The following PELI2 variants were observed in gnomAD, a reference collection of about 807,000 sequenced individuals.
The protein encoded by PELI2 is E3 ubiquitin-protein ligase pellino homolog 2.
A neutral mutation model predicts 42.3 loss-of-function variants in PELI2; 23 were observed. That is an observed-to-expected ratio of 0.54 (90% CI 0.39 to 0.77). The LOEUF (loss-of-function observed/expected upper bound fraction) is 0.77. Ranked by LOEUF, PELI2 falls within the 30% of genes least tolerant of loss-of-function variation. PELI2 has a pLI of 0.00. For synonymous variants in PELI2, 245 were observed against 212.2 expected (o/e 1.15, Z -1.34); for missense variants, 463 against 553.2 (o/e 0.84, Z 1.64).
intron 2 of PELI2, among the ~76,000 whole-genome samples, chr14:56,275,692 C>T (rs1024385078): frequency 2.0e-5 from 3 of 152,164 alleles, no homozygotes; most frequent in South Asian, 2.1e-4. Context: ...GATGAAACTT[C>T]GCTTGCTCGT....
chr14:56,138,462 CT>C (rs34922290), intron 1 of PELI2, among the ~76,000 whole-genome samples: 15,904 of 143,816 alleles, frequency 0.11, 1,050 homozygotes, highest in East Asian at 0.3. Context: ...TTCTGTGGTT[CT>C]TTTTTTTTTT....
chr14:56,225,079 GGA>G (rs1005780438), intron 2 of PELI2, among the ~76,000 whole-genome samples: 5 of 152,150 alleles, frequency 3.3e-5, no homozygotes, highest in African/African-American at 1.2e-4. Flanking sequence ...CTTAGTACGC[GGA>G]GAGTGAGTAA....
chr14:56,169,840 T>C (rs1885102230), intron 1 of PELI2, among the ~76,000 whole-genome samples: 1 of 152,196 alleles, frequency 6.6e-6, no homozygotes, highest in African/African-American at 2.4e-5. Context: ...CTGGGCTTTA[T>C]AGTCCATTGG....
At chr14:56,140,976 G>A (rs558001629) in intron 1 of PELI2, among the ~76,000 whole-genome samples, 4 of 152,176 alleles carry the variant, frequency 2.6e-5, no homozygotes, top group Admixed American at 2.0e-4. Context: ...TTTTCCCCTC[G>A]TACTCTATTG....
At chr14:56,224,982 A>G (rs1369706219) in intron 2 of PELI2, among the ~76,000 whole-genome samples, 3 of 151,838 alleles carry the variant, frequency 2.0e-5, no homozygotes, top group African/African-American at 7.3e-5. Flanking sequence ...TTTCTCCCCC[A>G]GTGCTCTGCC....
intron 1 of PELI2, among the ~76,000 whole-genome samples, chr14:56,171,039 G>A (rs947136855): frequency 3.3e-5 from 5 of 152,156 alleles, no homozygotes. Flanking sequence ...CCCAGGGAAC[G>A]TTCTGACCTT....
intron 2 of PELI2, among the ~76,000 whole-genome samples, chr14:56,252,896 C>G (rs1488149831): frequency 6.6e-6 from 1 of 152,098 alleles, no homozygotes; most frequent in African/African-American, 2.4e-5. Context: ...CTGGCAGAGA[C>G]ACAACAAAAA....
intron 2 of PELI2, among the ~76,000 whole-genome samples, chr14:56,241,716 T>C (rs549635902): frequency 4.9e-4 from 75 of 151,920 alleles, no homozygotes; most frequent in African/African-American, 1.7e-3. Flanking sequence ...GAGGGGAAAA[T>C]GAGGTTTGAT....
intron 1 of PELI2, chr14:56,119,182 C>T (rs1041895257): frequency 6.6e-6 from 1 of 151,944 alleles, no homozygotes; most frequent in African/African-American, 2.4e-5. Context: ...GCGCGGAGCC[C>T]CGTCTTCCCA....
rs989170920 is a variant in PELI2 at position 56,155,059 on chromosome 14, C to T, written c.78-23276C>T. 2.4e-4 allele frequency among the ~76,000 whole-genome samples: 37 copies of T among 152,000 alleles called. 1 individual carries two copies. The highest frequency in any genetic ancestry group is 2.0e-3 in the Admixed American group (31 of 15,258). On this transcript the variant is annotated intron_variant, in intron 1 of 5. Transcript: ENST00000267460. ...CTATTCATGTTCTTTGCCAGTTTTT[C>T]TCTTGTGTCTATGAAGATATCTGTG...
At chr14:56,235,517 C>A (rs1887759271) in intron 2 of PELI2, among the ~76,000 whole-genome samples, 1 of 152,220 alleles carries the variant, frequency 6.6e-6, no homozygotes, top group Admixed American at 6.5e-5. Context: ...CCTTTTAGAG[C>A]CAGGCCTAGA....
intron 5 of PELI2, among the ~76,000 whole-genome samples, chr14:56,294,544 T>A (rs1251127757): frequency 2.0e-5 from 3 of 152,140 alleles, no homozygotes; most frequent in Non-Finnish European, 4.4e-5. Flanking sequence ...TTGACAAAAT[T>A]TCTGGTGCTT....
chr14:56,248,253 A>C (rs1237511766), intron 2 of PELI2, among the ~76,000 whole-genome samples: 1 of 152,222 alleles, frequency 6.6e-6, no homozygotes, highest in East Asian at 1.9e-4. Flanking sequence ...CCGACCAAAT[A>C]TGTGGCTTCT....
At chr14:56,274,691 T>C (rs1889227704) in intron 2 of PELI2, among the ~76,000 whole-genome samples, 1 of 152,204 alleles carries the variant, frequency 6.6e-6, no homozygotes, top group Non-Finnish European at 1.5e-5. Context: ...GTTCTAACTG[T>C]TCTCATCCCT....
chr14:56,123,089 G>A (rs1419676786), intron 1 of PELI2, among the ~76,000 whole-genome samples: 2 of 152,006 alleles, frequency 1.3e-5, no homozygotes, highest in Admixed American at 6.5e-5. Context: ...TACAAAAGGA[G>A]GTAGATACCT....
At position 56,161,209 on chromosome 14, in the gene PELI2, A is replaced by G. The variant is rs555033457; in HGVS notation, c.78-17126A>G. Among the ~76,000 whole-genome samples, 4 of 152,020 alleles carry G rather than the reference A, an allele frequency of 2.6e-5. No homozygotes were observed. The South Asian group carries it at 8.3e-4, about 32-fold the overall frequency. ...GTAGCATCCCAATTCAAAGCTTACT[A>G]TTCTGCTTTCATTTATTTCTTTTTT... is the stretch of plus-strand genomic sequence containing the variant. On this transcript the variant is annotated intron_variant, in intron 1 of 5. Transcript: ENST00000267460.
intron 1 of PELI2, among the ~76,000 whole-genome samples, chr14:56,144,354 A>G (rs1239641335): frequency 1.3e-5 from 2 of 152,244 alleles, no homozygotes; most frequent in African/African-American, 2.4e-5. Flanking sequence ...CTGCCAGGAA[A>G]GACAGACTAG....
chr14:56,195,288 A>G lies in PELI2; in HGVS notation c.207+16824A>G, dbSNP rs538184466. On this transcript the variant is annotated intron_variant, in intron 2 of 5. Transcript: ENST00000267460. ...TCAGTCTCTACCCTGTTTACTTGTCATATTGTGTCTTTATGTCTGCTTCTC... is the reference window on the plus strand; with the variant it reads ...TCAGTCTCTACCCTGTTTACTTGTCGTATTGTGTCTTTATGTCTGCTTCTC... Among the ~76,000 whole-genome samples, 52 of 152,240 alleles carry G rather than the reference A, an allele frequency of 3.4e-4. No individual in the cohort carries two copies. In the South Asian group the frequency reaches 0.011, roughly 32 times the overall value.
At chr14:56,278,307 A>G (rs759043290) in intron 2 of PELI2, among the ~76,000 whole-genome samples, 4 of 152,182 alleles carry the variant, frequency 2.6e-5, no homozygotes, top group Admixed American at 2.6e-4. Context: ...GGTGTACAGC[A>G]TGATGATTTG....
Sources: allele counts gnomAD v4.1 joint callset (sites outside exome capture counted in the v4.1 genomes callset), GRCh38; gene constraint gnomAD v4.1.1; transcripts MANE v1.5; gene names NCBI Gene and HGNC (gene_info 2026-07-23, HGNC 2026-07-21).